Variants in ABCB7 observed in about 807,000 individuals in gnomAD.
The protein encoded by ABCB7 is iron-sulfur clusters transporter ABCB7, mitochondrial.
In ABCB7, 7 loss-of-function variants were observed where a neutral mutation model predicts 54.4. The ratio of observed to expected loss-of-function variants is 0.13; its 90% CI spans 0.07 to 0.24. The LOEUF (loss-of-function observed/expected upper bound fraction) is 0.24. Ranked by LOEUF, ABCB7 falls within the 10% of genes least tolerant of loss-of-function variation. The probability of loss-of-function intolerance (pLI) is 1.00; values close to 1 mark genes in which losing one functional copy is unlikely to be tolerated. For synonymous variants in ABCB7, 218 were observed against 207.1 expected (o/e 1.05, Z -0.45); for missense variants, 356 against 570.4 (o/e 0.62, Z 3.83).
intron 1 of ABCB7, among the ~76,000 whole-genome samples, chrX:75,116,356 C>T (rs779090960): frequency 9.8e-6 from 1 of 101,544 alleles, no homozygotes; most frequent in South Asian, 5.0e-4. Flanking sequence ...ACCAAACCAA[C>T]TTGGACACAT....
intron 4 of ABCB7, among the ~76,000 whole-genome samples, chrX:75,089,246 A>G (rs192120625): frequency 8.9e-6 from 1 of 112,295 alleles, no homozygotes; most frequent in African/African-American, 3.2e-5. Context: ...TTTACATTTA[A>G]TTGGGAAGCA....
At chrX:75,091,366 G>A (rs1264401088) in intron 4 of ABCB7, among the ~76,000 whole-genome samples, 1 of 110,049 alleles carries the variant, frequency 9.1e-6, no homozygotes, top group Non-Finnish European at 1.9e-5. Flanking sequence ...GATGGCAGAT[G>A]AAAAAAAATC....
At chrX:75,062,280 G>C (rs368266146) in intron 14 of ABCB7, 48 bp downstream of exon 14, 54 of 1,082,856 alleles carry the variant, frequency 5.0e-5, no homozygotes, top group Non-Finnish European at 6.2e-5. Flanking sequence ...AAACTTCCAA[G>C]TAGAAAAGTT....
intron 1 of ABCB7, among the ~76,000 whole-genome samples, chrX:75,125,577 A>G (rs772648262): frequency 9.0e-6 from 1 of 110,730 alleles, no homozygotes; most frequent in Non-Finnish European, 1.9e-5. Context: ...TTGCTACTCC[A>G]TTTTTGTGTC....
chrX:75,064,576 C>T (rs2081303931), intron 13 of ABCB7, among the ~76,000 whole-genome samples: 1 of 111,274 alleles, frequency 9.0e-6, no homozygotes, highest in African/African-American at 3.3e-5. Context: ...GAACAAAGGA[C>T]ATGAAAATGA....
intron 4 of ABCB7, among the ~76,000 whole-genome samples, chrX:75,094,019 C>CATATACATATATAT (rs1555949284): frequency 2.2e-4 from 10 of 46,007 alleles, no homozygotes; most frequent in African/African-American, 8.3e-4. Context: ...CTGTTATATA[C>CATATACATATATAT]ATATATATAT....
rs745854876 is a variant in ABCB7, at chrX:75,155,612, T to A, written c.168+493A>T. Among the ~76,000 whole-genome samples the A allele has an allele frequency of 2.7e-5, 3 of 111,646 alleles. No homozygotes were observed. The South Asian group carries it at 1.2e-3, about 43-fold the overall frequency. On this transcript the variant is annotated intron_variant, in intron 1 of 15. Transcript: ENST00000373394. ...GAAAGATAGTTACGGTTTTGGCCTATCAAGAAGCACGCCTGTCAGCAAGGG... is the reference window on the plus strand; with the variant it reads ...GAAAGATAGTTACGGTTTTGGCCTAACAAGAAGCACGCCTGTCAGCAAGGG...
chrX:75,063,963 G>A (rs1353870129), intron 13 of ABCB7, among the ~76,000 whole-genome samples: 1 of 111,251 alleles, frequency 9.0e-6, no homozygotes, highest in Non-Finnish European at 1.9e-5. Flanking sequence ...TTCATATTAC[G>A]TGATAAATTA....
intron 8 of ABCB7, 27 bp from the exon 9 acceptor site, chrX:75,071,710 G>T (rs1365867829): frequency 2.0e-6 from 2 of 996,587 alleles, no homozygotes; most frequent in Non-Finnish European, 2.8e-6. Context: ...AATAACTATA[G>T]GCAAGTATAA....
At chrX:75,114,449 T>C (rs1184057667) in intron 2 of ABCB7, among the ~76,000 whole-genome samples, 2 of 112,110 alleles carry the variant, frequency 1.8e-5, no homozygotes, top group Non-Finnish European at 3.8e-5. Context: ...ATTTCACATA[T>C]CAGATATAAA....
intron 3 of ABCB7, among the ~76,000 whole-genome samples, chrX:75,103,906 T>C (rs2081660467): frequency 9.2e-6 from 1 of 109,016 alleles, no homozygotes; most frequent in Non-Finnish European, 1.9e-5. Context: ...TAAAATCATA[T>C]CATCAACTAA....
In ABCB7 at chrX:75,084,267, T is replaced by C. The variant is rs780441517; in HGVS notation, c.454-7613A>G. 4.5e-5 allele frequency among the ~76,000 whole-genome samples: 5 copies of C among 111,741 alleles called. No individual in the cohort carries two copies. The East Asian group carries it at 1.4e-3, about 31-fold the overall frequency. On this transcript the variant is annotated intron_variant, in intron 4 of 15. Coordinates refer to ENST00000373394, the MANE Select transcript of ABCB7 (RefSeq NM_001271696.3). ...CTCCAGAAATGTAAGATAATAAATT[T>C]GTGGTGTTTTCAGCTACTATTTTTG...
intron 12 of ABCB7, among the ~76,000 whole-genome samples, chrX:75,067,983 T>C (rs1213159914): frequency 4.5e-5 from 5 of 111,504 alleles, no homozygotes; most frequent in African/African-American, 1.6e-4. Flanking sequence ...AATTTATAAA[T>C]GGTATTGTAT....
intron 1 of ABCB7, among the ~76,000 whole-genome samples, chrX:75,141,611 A>G (rs1447973182): frequency 8.9e-6 from 1 of 111,985 alleles, no homozygotes; most frequent in South Asian, 3.7e-4. Context: ...TTCAACTTTG[A>G]GCACTACAAA....
At chrX:75,061,367 T>C in intron 14 of ABCB7, among the ~76,000 whole-genome samples, 1 of 112,123 alleles carries the variant, frequency 8.9e-6, no homozygotes, top group Non-Finnish European at 1.9e-5. Flanking sequence ...GTAGGTCTTT[T>C]AGTTTGTGGT....
At chrX:75,153,773 T>TATATATATATATATATATATATATATAA (rs1315348493) in intron 1 of ABCB7, among the ~76,000 whole-genome samples, 2 of 91,339 alleles carry the variant, frequency 2.2e-5, no homozygotes, top group African/African-American at 7.5e-5. Flanking sequence ...TATATATATA[T>TATATATATATATATATATATATATATAA]AAAATATATA....
rs4148836 is a variant in ABCB7 at position 75,124,866 on chromosome X, A to G, written c.169-10035T>C. The stretch of plus-strand genomic sequence containing the variant: ...CTGGAATGATGAGATAATGTAATAA[A>G]AGAAGTTGAGAAAGTAGAATTGGAA... On this transcript the variant is annotated intron_variant, in intron 1 of 15. Coordinates refer to ENST00000373394, the MANE Select transcript of ABCB7 (RefSeq NM_001271696.3). Among the ~76,000 whole-genome samples the G allele has an allele frequency of 9.9e-5, 11 of 111,587 alleles. No homozygotes were observed. In the East Asian group the frequency reaches 3.1e-3, roughly 32 times the overall value.
intron 3 of ABCB7, among the ~76,000 whole-genome samples, chrX:75,105,009 T>C (rs1158702892): frequency 1.8e-5 from 2 of 111,061 alleles, no homozygotes; most frequent in Non-Finnish European, 3.8e-5. Flanking sequence ...TTCAATAAAC[T>C]AGACATAGAA....
chrX:75,094,038 ATATATATATATATATC>A (rs202134304), intron 4 of ABCB7, among the ~76,000 whole-genome samples: 60,960 of 91,708 alleles, frequency 0.66, 17,830 homozygotes, highest in Non-Finnish European at 0.89. Flanking sequence ...ATATATATAT[ATATATATATATATATC>A]TATCTTATTA....
Sources: allele counts gnomAD v4.1 joint callset (sites outside exome capture counted in the v4.1 genomes callset), GRCh38; gene constraint gnomAD v4.1.1; transcripts MANE v1.5; gene names NCBI Gene and HGNC (gene_info 2026-07-23, HGNC 2026-07-21).